The following SIPA1L3 variants were observed in gnomAD, a reference collection of about 807,000 sequenced individuals.
The protein encoded by SIPA1L3 is signal-induced proliferation-associated 1-like protein 3.
A neutral mutation model predicts 150.1 loss-of-function variants in SIPA1L3; 59 were observed. That is an observed-to-expected ratio of 0.39 (90% CI 0.32 to 0.49). The LOEUF (loss-of-function observed/expected upper bound fraction) is 0.49, where lower values mean the gene tolerates loss of function less well. SIPA1L3 is among the 20% of genes least tolerant of loss of function. SIPA1L3 has a pLI of 0.86. For synonymous variants in SIPA1L3, 1,070 were observed against 1,077.6 expected, an observed-to-expected ratio of 0.99 and a Z score of 0.14; for missense variants, 2,211 against 2,489.5, an observed-to-expected ratio of 0.89 and a Z score of 2.38.
At chr19:38,123,630 A>AC (rs1971082670) in intron 9 of SIPA1L3, among the ~76,000 whole-genome samples, 1 of 151,712 alleles carries the variant, frequency 6.6e-6, no homozygotes. Flanking sequence ...TTTTCTTAGT[A>AC]CAGAACAAAA....
intron 4 of SIPA1L3, among the ~76,000 whole-genome samples, chr19:38,089,636 G>A (rs1970218301): frequency 2.6e-5 from 4 of 152,348 alleles, no homozygotes; most frequent in Admixed American, 1.3e-4. Flanking sequence ...CTCCCAATGT[G>A]TCACTTTCCA....
intron 8 of SIPA1L3, among the ~76,000 whole-genome samples, chr19:38,116,294 G>A (rs1970878739): frequency 6.6e-6 from 1 of 151,918 alleles, no homozygotes; most frequent in African/African-American, 2.4e-5. Flanking sequence ...CGGATCATGA[G>A]GTCAGGAGTT....
chr19:37,969,879 T>G (rs1381130083), intron 1 of SIPA1L3, among the ~76,000 whole-genome samples: 1 of 152,216 alleles, frequency 6.6e-6, no homozygotes, highest in East Asian at 1.9e-4. Context: ...CAAAGCTTCA[T>G]AGCAGTTATC....
intron 1 of SIPA1L3, among the ~76,000 whole-genome samples, chr19:37,961,730 A>T (rs184854827): frequency 6.6e-6 from 1 of 151,852 alleles, no homozygotes; most frequent in African/African-American, 2.4e-5. Flanking sequence ...CTCTCCTCTC[A>T]TAGGACTCCC....
intron 1 of SIPA1L3, among the ~76,000 whole-genome samples, chr19:38,009,167 TG>T (rs1191214794): frequency 6.6e-6 from 1 of 152,072 alleles, no homozygotes; most frequent in Non-Finnish European, 1.5e-5. Flanking sequence ...CCTGAGTAGC[TG>T]GGATTACAGG....
chr19:38,063,200 C>T (rs893372346), intron 2 of SIPA1L3, among the ~76,000 whole-genome samples: 1 of 152,174 alleles, frequency 6.6e-6, no homozygotes, highest in Non-Finnish European at 1.5e-5. Flanking sequence ...GTTTCCCCTC[C>T]ACCCCCCTCC....
chr19:37,934,684 CCT>C (rs910220311), intron 1 of SIPA1L3, among the ~76,000 whole-genome samples: 2 of 141,480 alleles, frequency 1.4e-5, no homozygotes, highest in African/African-American at 5.1e-5. Context: ...TGGTTCCACC[CCT>C]GTGTCAGCAT....
Position 38,047,241 on chromosome 19 carries a change from C to T in SIPA1L3, c.-311+18085C>T, listed in dbSNP as rs1211321489. Among the ~76,000 whole-genome samples the T allele has an allele frequency of 6.6e-6, 1 of 152,182 alleles. No homozygotes were observed. Among genetic ancestry groups the T allele is most frequent in the African/African-American group, 2.4e-5 (1 of 41,440 alleles). The stretch of plus-strand genomic sequence containing the variant: ...TCCCCCGCCGACACACACGCACGCA[C>T]ACACGCACGCACTCACACACACTCC... On this transcript the variant is annotated intron_variant, in intron 2 of 21. Transcript: ENST00000222345. The surrounding 1 kb of genome is among the most constrained non-coding windows in gnomAD (Gnocchi z 4.7).
intron 2 of SIPA1L3, among the ~76,000 whole-genome samples, chr19:38,069,475 G>A (rs1969667149): frequency 6.6e-6 from 1 of 152,054 alleles, no homozygotes; most frequent in Non-Finnish European, 1.5e-5. Flanking sequence ...CCACTTGGAT[G>A]TACAGCCTCT....
chr19:38,134,031 T>C (rs1436994419), intron 10 of SIPA1L3, among the ~76,000 whole-genome samples: 1 of 151,826 alleles, frequency 6.6e-6, no homozygotes, highest in Non-Finnish European at 1.5e-5. Context: ...TTGCCCAGAC[T>C]GCAGTGCAGT....
chr19:38,095,350 A>G (rs2145848665), intron 4 of SIPA1L3, among the ~76,000 whole-genome samples: 1 of 152,330 alleles, frequency 6.6e-6, no homozygotes, highest in Non-Finnish European at 1.5e-5. Context: ...GGGAGGAGCT[A>G]GAGCTAGAAT....
At chr19:38,124,963 C>CTTCG (rs1486118173) in intron 9 of SIPA1L3, among the ~76,000 whole-genome samples, 1 of 68,490 alleles carries the variant, frequency 1.5e-5, no homozygotes, top group Non-Finnish European at 2.7e-5. Context: ...TACAGTCCAG[C>CTTCG]TTCGGCTCGG....
At chr19:38,155,122 CTCTG>C (rs1336279881) in intron 13 of SIPA1L3, among the ~76,000 whole-genome samples, 3 of 152,210 alleles carry the variant, frequency 2.0e-5, no homozygotes, top group East Asian at 1.9e-4. Context: ...GCATCTTATA[CTCTG>C]TCTATCAACA....
intron 16 of SIPA1L3, chr19:38,186,047 C>G (rs1201020814): frequency 2.0e-5 from 3 of 152,574 alleles, no homozygotes; most frequent in African/African-American, 7.2e-5. Flanking sequence ...AACTTGCTTC[C>G]TCTCTGTCAC....
At chr19:37,998,745 A>C (rs1201463229) in intron 1 of SIPA1L3, among the ~76,000 whole-genome samples, 1 of 152,152 alleles carries the variant, frequency 6.6e-6, no homozygotes, top group Non-Finnish European at 1.5e-5. Flanking sequence ...CCAAGATCAC[A>C]CCACTGTAGC....
chr19:38,135,051 A>C (rs1568569148), intron 10 of SIPA1L3, among the ~76,000 whole-genome samples: 1 of 152,204 alleles, frequency 6.6e-6, no homozygotes, highest in Non-Finnish European at 1.5e-5. Context: ...AGAGTGAACA[A>C]GTCACTTTGC....
intron 1 of SIPA1L3, among the ~76,000 whole-genome samples, chr19:38,003,728 C>T (rs1278669011): frequency 6.6e-6 from 1 of 152,208 alleles, no homozygotes. Flanking sequence ...TCTCTTCCAT[C>T]CCGCCTCTTT....
intron 1 of SIPA1L3, among the ~76,000 whole-genome samples, chr19:37,918,250 TTTGTTTGTTTGA>T (rs1385916688): frequency 4.6e-5 from 7 of 151,678 alleles, no homozygotes; most frequent in East Asian, 2.0e-4. Flanking sequence ...TTCTTTGTTT[TTTGTTTGTTTGA>T]TTGTTTGTTT....
chr19:38,054,493 C>A (rs898810845), intron 2 of SIPA1L3, among the ~76,000 whole-genome samples: 2 of 152,178 alleles, frequency 1.3e-5, no homozygotes, highest in Non-Finnish European at 2.9e-5. Context: ...GTAATCCCAG[C>A]TACTCAGCAG....
Sources: gnomAD v4.1 joint callset for allele counts (sites outside exome capture counted in the v4.1 genomes callset) on GRCh38, gnomAD v4.1.1 for gene constraint, Gnocchi (gnomAD v3.1) non-coding constraint, MANE v1.5 for transcripts, NCBI Gene and HGNC (gene_info 2026-07-23, HGNC 2026-07-21) for gene names.